Variants in ATP2B4 observed in about 807,000 individuals in gnomAD.
ATP2B4 encodes plasma membrane calcium-transporting ATPase 4.
Under a neutral mutation model 110.3 loss-of-function variants are expected in ATP2B4, and 39 were observed. That is an observed-to-expected ratio of 0.35 (90% CI 0.27 to 0.46). The LOEUF (loss-of-function observed/expected upper bound fraction) is 0.46, where lower values mean the gene tolerates loss of function less well. ATP2B4 is among the 20% of genes least tolerant of loss of function. The probability of loss-of-function intolerance (pLI) is 1.00; values close to 1 mark genes in which losing one functional copy is unlikely to be tolerated. For missense variants in ATP2B4, 1,135 were observed against 1,530.9 expected (o/e 0.74, Z 4.32); for synonymous variants, 538 against 571.7 (o/e 0.94, Z 0.84).
Position 203,629,346 on chromosome 1 carries a change from A to G in ATP2B4, c.-465+2127A>G, listed in dbSNP as rs2102288924. On this transcript the variant is annotated intron_variant, in intron 1 of 20. Coordinates refer to ENST00000357681, the MANE Select transcript of ATP2B4 (RefSeq NM_001684.5). The surrounding 1 kb of genome is among the most constrained non-coding windows in gnomAD (Gnocchi z 4.6). ...ACCATCTTGCTGAGGTGCAACCTCG[A>G]AAATCACGCCGCTTTCGCCGCGGCC... Among the ~76,000 whole-genome samples the G allele has an allele frequency of 6.6e-6, 1 of 152,330 alleles. No individual in the cohort carries two copies. The highest frequency in any genetic ancestry group is 1.9e-4 in the East Asian group (1 of 5,172).
At chr1:203,631,282 C>T (rs776683294) in intron 1 of ATP2B4, among the ~76,000 whole-genome samples, 9 of 152,256 alleles carry the variant, frequency 5.9e-5, no homozygotes, top group Non-Finnish European at 1.0e-4. Flanking sequence ...CCCAGTTCCT[C>T]TCTGCCTAAG....
intron 20 of ATP2B4, chr1:203,729,679 G>A (rs1004881235): frequency 7.7e-7 from 1 of 1,294,286 alleles, no homozygotes; most frequent in Non-Finnish European, 1.0e-6. Context: ...CCTATCCAGG[G>A]CGATGCAGCT....
In ATP2B4 at chr1:203,719,246, GCA is replaced by G. The variant is rs1282299899; in HGVS notation, c.2407-1302_2407-1301del. Among the ~76,000 whole-genome samples, 15 of 78,628 alleles carry G rather than the reference GCA, an allele frequency of 1.9e-4. No homozygotes were observed. In the East Asian group the frequency reaches 8.1e-3, roughly 42 times the overall value. 51.6% of individuals were successfully genotyped at this position (78,628 alleles called of 152,430 possible). A position where few individuals can be genotyped will look rare whatever the true frequency, so the allele number is the denominator to read the frequency against. On this transcript the variant is annotated intron_variant, in intron 15 of 20. Coordinates refer to ENST00000357681, the MANE Select transcript of ATP2B4 (RefSeq NM_001684.5). ...TCTCGAAAAAAAAAAAAAAAAAAAA[GCA>G]AGAGAGATAAAATACATGGTTCTAA...
chr1:203,734,944 C>T (rs1453482438), intron 20 of ATP2B4, among the ~76,000 whole-genome samples: 2 of 121,368 alleles, frequency 1.6e-5, no homozygotes, highest in African/African-American at 3.2e-5. Flanking sequence ...GCGGAGGTTG[C>T]GGTGAGCCAA....
At chr1:203,657,905 T>C in intron 1 of ATP2B4, 1 of 268,216 alleles carries the variant, frequency 3.7e-6, no homozygotes, top group Non-Finnish European at 7.0e-6. Flanking sequence ...GGTTTCACCA[T>C]GTTGGCCAGG....
At chr1:203,669,468 C>T (rs1664596264) in intron 1 of ATP2B4, among the ~76,000 whole-genome samples, 1 of 152,072 alleles carries the variant, frequency 6.6e-6, no homozygotes, top group Non-Finnish European at 1.5e-5. Flanking sequence ...TGGAGTCTGG[C>T]TCTTGTTGCC....
intron 1 of ATP2B4, among the ~76,000 whole-genome samples, chr1:203,673,724 C>T (rs1294297077): frequency 6.6e-6 from 1 of 152,176 alleles, no homozygotes; most frequent in Non-Finnish European, 1.5e-5. Context: ...AAGTCCTCTC[C>T]TGCTGAGCGT....
chr1:203,708,229 C>A, intron 10 of ATP2B4, 125 bp downstream of exon 10: 2 of 1,371,916 alleles, frequency 1.5e-6, no homozygotes, highest in South Asian at 1.3e-5. Flanking sequence ...ATTTCTCACG[C>A]TGGAGTGAAC....
In ATP2B4 at chr1:203,700,285, T is replaced by G; in HGVS notation, c.729T>G (p.Ser243=). ...KIDESSLTGE[S]DHVKKSLDKD... ...ATGAGAGCTCTCTGACAGGGGAATC[T>G]GACCATGTCAAGAAGTCCCTGGACA... is the stretch of plus-strand genomic sequence containing the variant. Residue 243 remains serine (S), a synonymous_variant, in exon 5 of 21, where the codon TCT becomes TCG. Coordinates refer to ENST00000357681, the MANE Select transcript of ATP2B4 (RefSeq NM_001684.5). The G allele has an allele frequency of 6.2e-7, 1 of 1,614,072 alleles. No individual in the cohort carries two copies. The highest frequency in any genetic ancestry group is 8.5e-7 in the Non-Finnish European group (1 of 1,179,946).
chr1:203,693,196 A>C (rs1160804648), intron 2 of ATP2B4, among the ~76,000 whole-genome samples: 1 of 152,150 alleles, frequency 6.6e-6, no homozygotes, highest in Non-Finnish European at 1.5e-5. Flanking sequence ...TATTTGTGTG[A>C]AATTACAGCT....
At position 203,739,872 on chromosome 1, in the gene ATP2B4, C is replaced by G. The variant is rs185315903; in HGVS notation, c.*18C>G. The G allele has an allele frequency of 4.9e-4, 777 of 1,597,064 alleles. 1 individual carries two copies. Among genetic ancestry groups the G allele is most frequent in the Admixed American group, 8.1e-4 (47 of 58,330 alleles). On this transcript the variant is annotated 3_prime_UTR_variant, in exon 21 of 21. Transcript: ENST00000357681. ...CAGTTTGAATTTTCTTTCTCTGACT[C>G]TCATCCCTATTTTACCTATTTCCAT...
Position 203,682,974 on chromosome 1 carries a change from C to T in ATP2B4, c.-232C>T, listed in dbSNP as rs896599343. 8.6e-5 allele frequency: 40 copies of T among 464,318 alleles called. No homozygotes were observed. The highest frequency in any genetic ancestry group is 1.3e-4 in the Non-Finnish European group (33 of 258,348). 28.8% of individuals were successfully genotyped at this position (464,318 alleles called of 1,614,324 possible). On this transcript the variant is annotated 5_prime_UTR_variant, in exon 2 of 21. Coordinates refer to ENST00000357681, the MANE Select transcript of ATP2B4 (RefSeq NM_001684.5). ...CACGGAGTCCACCTTCCACTCAGTT[C>T]CCCCATCCTCTTCCTCCTCTCGCTG...
rs1159998144 is a variant in ATP2B4 at position 203,629,515 on chromosome 1, C to G, written c.-465+2296C>G. The stretch of plus-strand genomic sequence containing the variant: ...TAGCGCGCACCGGGTCGCCTGAGCC[C>G]GGGGTCGCGGCCAAAGGGGTAATCG... On this transcript the variant is annotated intron_variant, in intron 1 of 20. Coordinates refer to ENST00000357681, the MANE Select transcript of ATP2B4 (RefSeq NM_001684.5). This position sits in a 1 kb window ranked among gnomAD's most constrained non-coding sequence, Gnocchi z 4.6. 6.6e-6 allele frequency among the ~76,000 whole-genome samples: 1 copy of G among 152,134 alleles called. No individual in the cohort carries two copies. The highest frequency in any genetic ancestry group is 1.5e-5 in the Non-Finnish European group (1 of 68,010).
chr1:203,656,888 C>G, intron 1 of ATP2B4: 1 of 525,802 alleles, frequency 1.9e-6, no homozygotes, highest in South Asian at 2.5e-5. Flanking sequence ...ACATATATGG[C>G]TGTTTGGTAG....
intron 15 of ATP2B4, among the ~76,000 whole-genome samples, chr1:203,714,782 A>G (rs1290782389): frequency 6.6e-6 from 1 of 152,162 alleles, no homozygotes; most frequent in African/African-American, 2.4e-5. Context: ...TCTGATGTTC[A>G]GAAAGGTTTA....
intron 1 of ATP2B4, among the ~76,000 whole-genome samples, chr1:203,646,934 G>A (rs1053052471): frequency 6.6e-6 from 1 of 151,892 alleles, no homozygotes; most frequent in South Asian, 2.1e-4. Context: ...TTTTATATAC[G>A]TGGGTGAGTA....
intron 1 of ATP2B4, among the ~76,000 whole-genome samples, chr1:203,642,291 T>C (rs1271918843): frequency 6.6e-6 from 1 of 152,104 alleles, no homozygotes; most frequent in Non-Finnish European, 1.5e-5. Flanking sequence ...GCTATGTTGC[T>C]CAGGCTGGTC....
At chr1:203,702,804 G>A (rs751550863) in intron 7 of ATP2B4, among the ~76,000 whole-genome samples, 2 of 152,200 alleles carry the variant, frequency 1.3e-5, no homozygotes, top group African/African-American at 2.4e-5. Context: ...GTCTTGTGAC[G>A]CTCCTAGAGA....
rs1666311267 is a variant in ATP2B4 at position 203,721,248 on chromosome 1, A to G, written c.2650A>G (p.Thr884Ala). Residue 884 changes from threonine (T) to alanine (A), a missense_variant, in exon 17 of 21, where the codon ACT becomes GCT. Thr to Ala is a moderately conservative substitution (Grantham distance 58). Transcript: ENST00000357681. ...GTTGTGGGTTAATCTGATCATGGAC[A>G]CTTTTGCTTCATTGGCCCTGGCCAC... is the stretch of plus-strand genomic sequence containing the variant. ...QMLWVNLIMD[T>A]FASLALATEP... The G allele has an allele frequency of 5.6e-6, 9 of 1,614,070 alleles. No individual in the cohort carries two copies. The highest frequency in any genetic ancestry group is 1.1e-5 in the South Asian group (1 of 91,094).
Sources: gnomAD v4.1 joint callset for allele counts (sites outside exome capture counted in the v4.1 genomes callset) on GRCh38, gnomAD v4.1.1 for gene constraint, Gnocchi (gnomAD v3.1) non-coding constraint, MANE v1.5 for transcripts, NCBI Gene and HGNC (gene_info 2026-07-23, HGNC 2026-07-21) for gene names.